Variants in LIMCH1 observed in about 807,000 individuals in gnomAD.
LIMCH1 encodes the protein LIM and calponin homology domains 1, also known as LIM and calponin homology domains-containing protein 1.
A neutral mutation model predicts 176.5 loss-of-function variants in LIMCH1; 113 were observed. That is an observed-to-expected ratio of 0.64 (90% CI 0.55 to 0.75). LIMCH1 has a LOEUF of 0.75. Among genes scored for constraint, LIMCH1 ranks in the 30% least tolerant of loss-of-function variants. The pLI, the probability that LIMCH1 is intolerant of heterozygous loss-of-function variation, is 0.00. For missense variants in LIMCH1, 1,674 were observed against 1,814.9 expected (o/e 0.92, Z 1.41); for synonymous variants, 619 against 645.9 (o/e 0.96, Z 0.63).
rs375697979 is a variant in LIMCH1 at position 41,644,482 on chromosome 4, C to T, written c.2127-18C>T. ...CGCTGATCGCGGTCCCTCTTGTGTTCGCTCTCTCCACACTCAGGAGCACCA... is the reference window on the plus strand; with the variant it reads ...CGCTGATCGCGGTCCCTCTTGTGTTTGCTCTCTCCACACTCAGGAGCACCA... On this transcript the variant is annotated intron_variant, in intron 14 of 31. Transcript: ENST00000503057. 2.0e-6 allele frequency: 3 copies of T among 1,514,854 alleles called. No individual in the cohort carries two copies. The African/African-American group carries it at 4.2e-5, about 21-fold the overall frequency. The allele number at this position is 1,514,854 out of a possible 1,614,324, so 93.8% of individuals were successfully genotyped here.
At chr4:41,499,366 T>G (rs112015876) in intron 2 of LIMCH1, among the ~76,000 whole-genome samples, 7 of 152,206 alleles carry the variant, frequency 4.6e-5, no homozygotes, top group African/African-American at 1.7e-4. Flanking sequence ...ATCATGAAAC[T>G]TGACTCCTAA....
chr4:41,540,948 A>G (rs1210504841), intron 1 of LIMCH1, among the ~76,000 whole-genome samples: 45 of 152,170 alleles, frequency 3.0e-4, no homozygotes. Context: ...CTACCTTTTA[A>G]AAAGGAATGT....
Position 41,613,535 on chromosome 4 carries a change from G to A in LIMCH1, c.79G>A (p.Glu27Lys), listed in dbSNP as rs747038179. 4 of 1,613,984 alleles carry A rather than the reference G, an allele frequency of 2.5e-6. No individual in the cohort carries two copies. Among genetic ancestry groups the A allele is most frequent in the Non-Finnish European group, 3.4e-6 (4 of 1,179,934 alleles). The change falls in exon 5 of 32, where the codon GAG becomes AAG. Residue 27 changes from glutamate (E) to lysine (K), a missense_variant. By Grantham distance (56) the Glu-to-Lys change is moderately conservative. Transcript: ENST00000503057. ...TGGCTACATCGACTGCTGGGATTCC[G>A]AGCGCAGCGACTCCCTCTCTCCTCC... ...DSGYIDCWDS[E>K]RSDSLSPPRH...
intron 7 of LIMCH1, 121 bp downstream of exon 7, chr4:41,620,811 C>G (rs1334894564): frequency 8.9e-7 from 1 of 1,123,156 alleles, no homozygotes; most frequent in African/African-American, 1.6e-5. Context: ...TATTGCATCA[C>G]TGTTCCCTGC....
chr4:41,472,669 TG>T (rs1313556554), intron 1 of LIMCH1, among the ~76,000 whole-genome samples: 1 of 152,110 alleles, frequency 6.6e-6, no homozygotes, highest in Non-Finnish European at 1.5e-5. Context: ...TCGCCCACCT[TG>T]GCCTCCCAGA....
At chr4:41,426,264 G>A (rs890841422) in intron 1 of LIMCH1, among the ~76,000 whole-genome samples, 9 of 151,706 alleles carry the variant, frequency 5.9e-5, no homozygotes, top group South Asian at 2.1e-4. Flanking sequence ...CTCGTGATCC[G>A]CCCGCCTCGG....
chr4:41,511,164 A>G (rs6447079), intron 2 of LIMCH1, among the ~76,000 whole-genome samples: 5,909 of 152,198 alleles, frequency 0.039, 368 homozygotes, highest in African/African-American at 0.13. Context: ...CAATGATTCT[A>G]TTCAACTCAT....
intron 2 of LIMCH1, among the ~76,000 whole-genome samples, chr4:41,600,855 G>A (rs777467242): frequency 2.6e-5 from 4 of 152,134 alleles, no homozygotes; most frequent in African/African-American, 4.8e-5. Flanking sequence ...AAAATGTCAC[G>A]TAGGCAAGTG....
intron 4 of LIMCH1, among the ~76,000 whole-genome samples, chr4:41,608,085 G>A (rs138417376): frequency 1.0e-3 from 153 of 152,314 alleles, no homozygotes; most frequent in African/African-American, 3.5e-3. Flanking sequence ...GTCCAGGGCT[G>A]ATGTGGGGTT....
Position 41,633,810 on chromosome 4 carries a change from T to G in LIMCH1, c.2090+2T>G. ...AGGTCTACCCATGAAAGATCAGAGG[T>G]CAGAAAGTTATTCTGTGCCCTTGTG... On this transcript the variant is annotated splice_donor_variant, in intron 13 of 31. Coordinates refer to ENST00000503057, the MANE Select transcript of LIMCH1 (RefSeq NM_001330672.2). LOFTEE classifies it high-confidence loss of function. The G allele has an allele frequency of 6.5e-7, 1 of 1,535,246 alleles. No individual in the cohort carries two copies. The highest frequency in any genetic ancestry group is 8.7e-7 in the Non-Finnish European group (1 of 1,146,174).
chr4:41,619,640 T>G, intron 6 of LIMCH1, 200 bp downstream of exon 6: 1 of 641,430 alleles, frequency 1.6e-6, no homozygotes, highest in Non-Finnish European at 2.6e-6. Flanking sequence ...GAACAGTGCC[T>G]GGCACACAGT....
chr4:41,541,294 G>T (rs935293390), intron 1 of LIMCH1, among the ~76,000 whole-genome samples: 77 of 152,282 alleles, frequency 5.1e-4, no homozygotes, highest in African/African-American at 1.8e-3. Flanking sequence ...CCTTGAGAGT[G>T]TAGATTCGGG....
intron 1 of LIMCH1, among the ~76,000 whole-genome samples, chr4:41,590,351 C>T (rs1193845740): frequency 6.6e-6 from 1 of 152,046 alleles, no homozygotes; most frequent in Non-Finnish European, 1.5e-5. Flanking sequence ...TCCTAAAGTG[C>T]TGAAATTATA....
chr4:41,497,737 G>A (rs1003515652), intron 2 of LIMCH1, among the ~76,000 whole-genome samples: 1 of 151,736 alleles, frequency 6.6e-6, no homozygotes, highest in African/African-American at 2.4e-5. Flanking sequence ...CCTGGGAGGC[G>A]GAGGTTGCAG....
intron 1 of LIMCH1, among the ~76,000 whole-genome samples, chr4:41,472,010 A>G (rs1157921704): frequency 6.6e-6 from 1 of 152,154 alleles, no homozygotes; most frequent in Non-Finnish European, 1.5e-5. Context: ...GGTGCCTTAT[A>G]TGGTGTGCAA....
intron 1 of LIMCH1, among the ~76,000 whole-genome samples, chr4:41,384,737 T>C (rs75733530): frequency 0.023 from 3,434 of 152,282 alleles, 125 homozygotes; most frequent in African/African-American, 0.079. Flanking sequence ...AGTGCGGTTG[T>C]AGATATATTA....
At position 41,443,192 on chromosome 4, in the gene LIMCH1, C is replaced by CTT. The variant is rs916559501; in HGVS notation, c.97-51316_97-51315dup. Among the ~76,000 whole-genome samples, 132 of 39,670 alleles carry CTT rather than the reference C, an allele frequency of 3.3e-3. 2 individuals are homozygous for CTT. The highest frequency in any genetic ancestry group is 8.7e-3 in the East Asian group (13 of 1,500). The allele number at this position is 39,670 out of a possible 152,430, so 26.0% of individuals were successfully genotyped here. On this transcript the variant is annotated intron_variant, in intron 1 of 26. Coordinates refer to the LIMCH1 transcript ENST00000313860. ...AAAAATCATATTGGATGTTTTTTTTCTTTTTTTTTTTTTTTTTTTTTTTTT... is the reference window on the plus strand; with the variant it reads ...AAAAATCATATTGGATGTTTTTTTTCTTTTTTTTTTTTTTTTTTTTTTTTTTT...
chr4:41,693,613 C>T (rs2289341), intron 31 of LIMCH1, among the ~76,000 whole-genome samples: 11,233 of 150,616 alleles, frequency 0.075, 817 homozygotes, highest in African/African-American at 0.17. Context: ...CACAAATTAA[C>T]ATATATAGTA....
At chr4:41,458,760 G>A (rs1334774406) in intron 1 of LIMCH1, among the ~76,000 whole-genome samples, 1 of 131,494 alleles carries the variant, frequency 7.6e-6, no homozygotes, top group Non-Finnish European at 1.6e-5. Flanking sequence ...GTGACAGAAT[G>A]AGACTCTGTC....
Sources: allele counts gnomAD v4.1 joint callset (sites outside exome capture counted in the v4.1 genomes callset), GRCh38; gene constraint gnomAD v4.1.1; transcripts MANE v1.5; gene names NCBI Gene and HGNC (gene_info 2026-07-23, HGNC 2026-07-21).